Variants in MRAP observed in about 807,000 individuals in gnomAD.
MRAP encodes melanocortin 2 receptor accessory protein, also known as melanocortin-2 receptor accessory protein.
A neutral mutation model predicts 8.7 loss-of-function variants in MRAP; 8 were observed. The observed-to-expected ratio is 0.92, with a 90% CI of 0.54 to 1.66. MRAP has a LOEUF of 1.66. Ranked by LOEUF, MRAP falls within the 40% of genes most tolerant of loss-of-function variation. The pLI is 0.00. For synonymous variants in MRAP, 95 were observed against 95.5 expected, an observed-to-expected ratio of 1.00 and a Z score of 0.03; for missense variants, 237 against 217.1, an observed-to-expected ratio of 1.09 and a Z score of -0.58.
chr21:32,300,661 A>ACGTCCTATGTTGGATGTGTCACG (rs2032249787), intron 1 of MRAP, among the ~76,000 whole-genome samples: 1 of 12,648 alleles, frequency 7.9e-5, no homozygotes, highest in African/African-American at 2.0e-4. Flanking sequence ...GGGGCGTCAC[A>ACGTCCTATGTTGGATGTGTCACG]CGTCCTATGT....
intron 1 of MRAP, 60 bp from the exon 2 acceptor site, chr21:32,306,580 C>A: frequency 7.1e-7 from 1 of 1,411,700 alleles, no homozygotes; most frequent in Non-Finnish European, 1.0e-6. Context: ...CCTTACTGCC[C>A]CTCAGCGTTG....
Position 32,311,299 on chromosome 21 carries a change from G to A in MRAP, c.207-385G>A, listed in dbSNP as rs1371870673. The A allele has an allele frequency of 6.3e-5, 13 of 207,234 alleles. No homozygotes were observed. The East Asian group carries it at 7.1e-4, about 11-fold the overall frequency. The allele number at this position is 207,234 out of a possible 1,614,324, so 12.8% of individuals were successfully genotyped here. On this transcript the variant is annotated intron_variant, in intron 2 of 2. Coordinates refer to ENST00000303645, the MANE Select transcript of MRAP (RefSeq NM_001379228.1). ...TACAATTCAAGGTGAGATTTGTGTC[G>A]TGACGCAGCCAAACCATATCACCAA... is the stretch of plus-strand genomic sequence containing the variant.
intron 1 of MRAP, among the ~76,000 whole-genome samples, chr21:32,301,349 TAGTG>T (rs939563927): frequency 1.1e-4 from 16 of 152,316 alleles, no homozygotes; most frequent in African/African-American, 3.4e-4. Flanking sequence ...TTTCTCATGA[TAGTG>T]AGTGAGTTAT....
rs775362566 is a variant in MRAP at position 32,298,948 on chromosome 21, C to T, written c.-24C>T. The stretch of plus-strand genomic sequence containing the variant: ...CTCGAGGCGAGGCTGCCGGCCCGGA[C>T]GCTGACTGCCCAGTGCCACAGACAT... On this transcript the variant is annotated 5_prime_UTR_variant, in exon 1 of 3. It adds an upstream start codon to the 5' untranslated region. Transcript: ENST00000303645. 14 of 1,582,958 alleles carry T rather than the reference C, an allele frequency of 8.8e-6. No homozygotes were observed. Among genetic ancestry groups the T allele is most frequent in the South Asian group, 2.2e-5 (2 of 90,334 alleles).
chr21:32,299,772 G>A (rs1453819880), intron 1 of MRAP, among the ~76,000 whole-genome samples: 4 of 152,292 alleles, frequency 2.6e-5, no homozygotes, highest in African/African-American at 9.6e-5. Flanking sequence ...TCCCTAAAAT[G>A]CAGATTTAAT....
upstream of MRAP, chr21:32,298,775 G>A (rs2032189268): frequency 2.3e-5 from 13 of 557,824 alleles, no homozygotes; most frequent in South Asian, 2.4e-4. Flanking sequence ...CTGGATGCTG[G>A]CGTTGTGAGA....
At chr21:32,300,070 GT>G (rs991526277) in intron 1 of MRAP, among the ~76,000 whole-genome samples, 1 of 152,138 alleles carries the variant, frequency 6.6e-6, no homozygotes, top group African/African-American at 2.4e-5. Context: ...GCTTCCTTGG[GT>G]TTTCACTCAC....
intron 2 of MRAP, 39 bp downstream of exon 2, chr21:32,306,778 C>G: frequency 6.7e-7 from 1 of 1,497,710 alleles, no homozygotes; most frequent in Non-Finnish European, 9.3e-7. Flanking sequence ...GTCACTCAGA[C>G]GCTCTCCAGT....
At chr21:32,302,572 A>G (rs1199243653) in intron 1 of MRAP, among the ~76,000 whole-genome samples, 1 of 152,230 alleles carries the variant, frequency 6.6e-6, no homozygotes, top group African/African-American at 2.4e-5. Flanking sequence ...AGTCTACAGG[A>G]CTGGGCTAGT....
At chr21:32,294,118 G>C (rs2032098077), upstream of MRAP, among the ~76,000 whole-genome samples, 1 of 151,922 alleles carries the variant, frequency 6.6e-6, no homozygotes, top group African/African-American at 2.4e-5. Flanking sequence ...GTTTTTTGTT[G>C]TTTGCTTGTT....
chr21:32,293,427 A>C (rs549041210), intron 2 of MRAP, among the ~76,000 whole-genome samples: 15 of 152,332 alleles, frequency 9.8e-5, no homozygotes, highest in Non-Finnish European at 1.8e-4. Context: ...GCCATAGCAC[A>C]CTAATGCACC....
Position 32,311,932 on chromosome 21 carries a change from C to A in MRAP, c.455C>A (p.Pro152His). 1.2e-6 allele frequency: 2 copies of A among 1,613,674 alleles called. No homozygotes were observed. The highest frequency in any genetic ancestry group is 2.2e-5 in the South Asian group (2 of 91,088). ...TGGGAACTGACCCTCAATGGGGGTC[C>A]CCTCGTCAGGAGCAAGCCCAGCGAG... ...LLWELTLNGG[P>H]LVRSKPSEPP... The change falls in exon 3 of 3, where the codon CCC becomes CAC. Residue 152 changes from proline to histidine, a missense_variant. Pro to His is a moderately conservative substitution (Grantham distance 77). Transcript: ENST00000303645.
rs759485219 is a variant in MRAP at position 32,306,606 on chromosome 21, A to T, written c.107-34A>T. 4.4e-6 allele frequency: 7 copies of T among 1,583,914 alleles called. No homozygotes were observed. In the East Asian group the frequency reaches 1.6e-4, roughly 35 times the overall value. On this transcript the variant is annotated intron_variant, in intron 1 of 2. Transcript: ENST00000303645. ...CTCAGCGTTGCTTTATGTTGACATA[A>T]CCCAGCGCTGAGATGCATCTCCTCC...
At chr21:32,312,302 AC>A, downstream of MRAP, 3 of 1,316,096 alleles carry the variant, frequency 2.3e-6, no homozygotes, top group African/African-American at 4.5e-5. Flanking sequence ...CTGTTTGCTT[AC>A]TAATCTTTAC....
At chr21:32,299,791 C>T (rs1261602746) in intron 1 of MRAP, among the ~76,000 whole-genome samples, 1 of 152,164 alleles carries the variant, frequency 6.6e-6, no homozygotes, top group Non-Finnish European at 1.5e-5. Context: ...ATGATTTTTA[C>T]TAAAATGCCA....
At chr21:32,307,313 G>A (rs1431837501) in intron 2 of MRAP, among the ~76,000 whole-genome samples, 2 of 151,898 alleles carry the variant, frequency 1.3e-5, no homozygotes, top group African/African-American at 4.8e-5. Flanking sequence ...GGTGGCTCAC[G>A]CCTGTAATCC....
downstream of MRAP, chr21:32,313,678 A>G (rs934060455): frequency 1.3e-5 from 2 of 152,330 alleles, no homozygotes; most frequent in Admixed American, 6.5e-5. Context: ...AGACAAAACC[A>G]AGGCATTGTC....
Position 32,311,696 on chromosome 21 carries a change from GCACCACCAAACATGCCCCTGGAGT to G in MRAP, c.223_246del (p.His75_His82del). The G allele has an allele frequency of 6.2e-7, 1 of 1,613,918 alleles. No individual in the cohort carries two copies. The highest frequency in any genetic ancestry group is 8.5e-7 in the Non-Finnish European group (1 of 1,179,948). On this transcript the variant is annotated inframe_deletion, in exon 3 of 3. Coordinates refer to ENST00000303645, the MANE Select transcript of MRAP (RefSeq NM_001379228.1). ...GCTCTGTTCACAGGAACAGCCCCAA[GCACCACCAAACATGCCCCTGGAGT>G]CACGGCCTCAACCTCCACCTCTGCA...
chr21:32,300,671 T>A (rs1197294047), intron 1 of MRAP, among the ~76,000 whole-genome samples: 2 of 148,488 alleles, frequency 1.3e-5, no homozygotes, highest in Non-Finnish European at 3.0e-5. Flanking sequence ...ACGTCCTATG[T>A]CGGATGTGTC....
Sources: allele counts gnomAD v4.1 joint callset (sites outside exome capture counted in the v4.1 genomes callset), GRCh38; gene constraint gnomAD v4.1.1; transcripts MANE v1.5; gene names NCBI Gene and HGNC (gene_info 2026-07-23, HGNC 2026-07-21).